ZFTRAF1: variants seen among roughly 807,000 people sequenced by gnomAD.
ZFTRAF1 encodes the protein zinc finger TRAF-type and ring finger containing 1, also known as zinc finger TRAF-type-containing protein 1.
the ZFTRAF1 span, among the ~76,000 whole-genome samples, chr8:144,462,008 G>A: frequency 1.3e-5 from 2 of 152,152 alleles, no homozygotes; most frequent in South Asian, 2.1e-4. Flanking sequence ...AGAGGTAAGC[G>A]GAAGACAAGC....
chr8:144,462,399 C>T, the ZFTRAF1 span: 3 of 407,312 alleles, frequency 7.4e-6, no homozygotes, highest in Admixed American at 4.4e-5. Flanking sequence ...GCCTCGGCCG[C>T]CTCGGCTGCC....
At chr8:144,457,534 G>A in the ZFTRAF1 span, 1 of 152,166 alleles carries the variant, frequency 6.6e-6, no homozygotes, top group African/African-American at 2.4e-5. Context: ...ACACACAGGT[G>A]GCCCAGAAAT....
At chr8:144,453,159 C>G in the ZFTRAF1 span, 2 of 1,442,050 alleles carry the variant, frequency 1.4e-6, no homozygotes, top group African/African-American at 2.8e-5. Flanking sequence ...CCTGCTGCAC[C>G]AGGGTGGGCT....
the ZFTRAF1 span, chr8:144,452,603 A>G: frequency 6.6e-7 from 1 of 1,521,170 alleles, no homozygotes; most frequent in Non-Finnish European, 8.8e-7. Flanking sequence ...TCACAGACTG[A>G]GCCCCGAACA....
the ZFTRAF1 span, chr8:144,450,243 C>A: frequency 1.6e-6 from 1 of 615,334 alleles, no homozygotes; most frequent in Non-Finnish European, 2.9e-6. Flanking sequence ...GCAGACTTGC[C>A]CTGTGTTGGC....
At chr8:144,458,921 C>T in the ZFTRAF1 span, among the ~76,000 whole-genome samples, 2 of 152,210 alleles carry the variant, frequency 1.3e-5, no homozygotes, top group Non-Finnish European at 2.9e-5. Context: ...GGCACTTACA[C>T]CCGAGTGAGC....
the ZFTRAF1 span, chr8:144,450,284 T>C: frequency 1.6e-6 from 1 of 642,306 alleles, no homozygotes; most frequent in Non-Finnish European, 2.8e-6. Context: ...GCTAAAGTGA[T>C]CAGATAGTCC....
the ZFTRAF1 span, chr8:144,455,752 C>T: frequency 4.6e-5 from 7 of 152,428 alleles, no homozygotes; most frequent in South Asian, 2.1e-4. Flanking sequence ...CATCTAATGC[C>T]ACCCACCAAG....
the ZFTRAF1 span, among the ~76,000 whole-genome samples, chr8:144,460,653 C>T: frequency 6.6e-6 from 1 of 152,218 alleles, no homozygotes; most frequent in African/African-American, 2.4e-5. Context: ...AAGGCCGAGG[C>T]AGGCGGATCA....
chr8:144,462,222 G>A, the ZFTRAF1 span: 1 of 470,958 alleles, frequency 2.1e-6, no homozygotes, highest in South Asian at 2.7e-5. Flanking sequence ...GGATCCTGGG[G>A]CCCCGCGGCG....
chr8:144,462,066 C>T, the ZFTRAF1 span, among the ~76,000 whole-genome samples: 2 of 152,126 alleles, frequency 1.3e-5, no homozygotes, highest in Admixed American at 6.5e-5. Flanking sequence ...AAAGGGGGGT[C>T]CCGAGCGGAA....
chr8:144,453,082 C>G, the ZFTRAF1 span: 2 of 745,748 alleles, frequency 2.7e-6, no homozygotes, highest in Non-Finnish European at 4.3e-6. Flanking sequence ...ACAGGGCCGT[C>G]ACTGGGCTAC....
chr8:144,458,396 G>A, the ZFTRAF1 span, among the ~76,000 whole-genome samples: 1 of 152,260 alleles, frequency 6.6e-6, no homozygotes, highest in Non-Finnish European at 1.5e-5. Context: ...TACCTAAGCA[G>A]ACGTATTTAC....
chr8:144,459,756 C>T, the ZFTRAF1 span, among the ~76,000 whole-genome samples: 1 of 152,220 alleles, frequency 6.6e-6, no homozygotes, highest in Non-Finnish European at 1.5e-5. Context: ...CCACTCCCCT[C>T]TTCTCACCAG....
At chr8:144,462,294 A>G in the ZFTRAF1 span, 1 of 594,310 alleles carries the variant, frequency 1.7e-6, no homozygotes, top group Non-Finnish European at 3.0e-6. Flanking sequence ...TGGTACACGG[A>G]GGCCTTGGGC....
the ZFTRAF1 span, chr8:144,453,524 C>A: frequency 7.1e-7 from 1 of 1,405,866 alleles, no homozygotes; most frequent in Non-Finnish European, 9.7e-7. Flanking sequence ...ACACACCCGC[C>A]CATGCCCATC....
the ZFTRAF1 span, chr8:144,452,440 T>A: frequency 6.5e-7 from 1 of 1,549,908 alleles, no homozygotes; most frequent in Non-Finnish European, 8.7e-7. Flanking sequence ...CTCTGGTCCA[T>A]CCCATCCAGG....
At chr8:144,450,730 C>A in the ZFTRAF1 span, 1 of 711,310 alleles carries the variant, frequency 1.4e-6, no homozygotes, top group African/African-American at 1.8e-5. Context: ...AGTACAGGCG[C>A]GTGATGAAGT....
chr8:144,452,339 C>T, the ZFTRAF1 span: 1 of 1,546,430 alleles, frequency 6.5e-7, no homozygotes, highest in Admixed American at 2.0e-5. Context: ...TGGCATGCAG[C>T]AGGCGGCGGG....
Sources: gnomAD v4.1 joint callset for allele counts (sites outside exome capture counted in the v4.1 genomes callset) on GRCh38, gnomAD v4.1.1 for gene constraint, MANE v1.5 for transcripts, NCBI Gene and HGNC (gene_info 2026-07-23, HGNC 2026-07-21) for gene names.